USP7: variants seen among roughly 807,000 people sequenced by gnomAD.
The protein encoded by USP7 is ubiquitin specific peptidase 7, also known as ubiquitin C-terminal hydrolase 7.
Under a neutral mutation model 162.9 loss-of-function variants are expected in USP7, and 9 were observed. The observed-to-expected ratio is 0.06, with a 90% CI of 0.03 to 0.10. The LOEUF is 0.10. USP7 is among the 10% of genes least tolerant of loss of function. The pLI, the probability that USP7 is intolerant of heterozygous loss-of-function variation, is 1.00. For missense variants in USP7, 715 were observed against 1,373.7 expected (o/e 0.52, Z 7.58); for synonymous variants, 562 against 475.9 (o/e 1.18, Z -2.35).
rs1213446729 is a variant in USP7 at position 8,897,073 on chromosome 16, A to G, written c.2745T>C (p.His915=). Residue 915 remains histidine, a synonymous_variant, in exon 26 of 31, where the codon CAT becomes CAC. Coordinates refer to ENST00000344836, the MANE Select transcript of USP7 (RefSeq NM_003470.3). The part of the protein sequence containing the change: ...EEEITLYPDK[H]GCVRDLLEEC... Reference sequence around the variant, plus strand: ...CTTCTAACAGGTCCCGGACACACCCATGCTTGTCTGGATATAGTGTTATTT... The same window carrying G: ...CTTCTAACAGGTCCCGGACACACCCGTGCTTGTCTGGATATAGTGTTATTT... 6.2e-7 allele frequency: 1 copy of G among 1,613,860 alleles called. No homozygotes were observed. Among genetic ancestry groups the G allele is most frequent in the Non-Finnish European group, 8.5e-7 (1 of 1,179,732 alleles).
intron 1 of USP7, among the ~76,000 whole-genome samples, chr16:8,947,114 G>C (rs145324064): frequency 2.6e-5 from 4 of 152,188 alleles, no homozygotes; most frequent in African/African-American, 9.6e-5. Context: ...ATCTCTGTAA[G>C]ATTGGTTTTT....
chr16:8,894,519 C>T, intron 30 of USP7, 31 bp downstream of exon 30: 1 of 1,517,754 alleles, frequency 6.6e-7, no homozygotes, highest in Non-Finnish European at 8.8e-7. Flanking sequence ...CTGAAACCCA[C>T]ACCAGCCCCC....
intron 1 of USP7, among the ~76,000 whole-genome samples, chr16:8,943,320 T>TA (rs1332880981): frequency 2.6e-5 from 4 of 151,256 alleles, no homozygotes; most frequent in Admixed American, 6.6e-5. Context: ...AGCTTATAAT[T>TA]ACGCCTGTAC....
intron 26 of USP7, 126 bp downstream of exon 26, chr16:8,896,873 C>A: frequency 2.6e-6 from 2 of 755,228 alleles, no homozygotes; most frequent in Non-Finnish European, 4.8e-6. Flanking sequence ...GGAGGCACAC[C>A]CCACTGAGTC....
intron 10 of USP7, among the ~76,000 whole-genome samples, chr16:8,913,555 A>C (rs1042173066): frequency 6.6e-6 from 1 of 152,052 alleles, no homozygotes; most frequent in African/African-American, 2.4e-5. Flanking sequence ...CTAGAAGTCT[A>C]CACCGAGTTA....
chr16:8,942,714 G>A (rs747105981), intron 1 of USP7, among the ~76,000 whole-genome samples: 1 of 152,062 alleles, frequency 6.6e-6, no homozygotes, highest in African/African-American at 2.4e-5. Context: ...CACTCAGCTA[G>A]TTTCTGTATT....
rs1020048870 is a variant in USP7, at chr16:8,919,248, A to G, written c.612-109T>C. ...CAGCCTTAAGGAAACCGAGGCCAGG[A>G]ACACTTATCACACAGCATCCTTCAA... On this transcript the variant is annotated intron_variant, in intron 5 of 30. Transcript: ENST00000344836. 3 of 1,016,380 alleles carry G rather than the reference A, an allele frequency of 3.0e-6. No individual in the cohort carries two copies. In the Admixed American group the frequency reaches 5.5e-5, roughly 19 times the overall value. The allele number at this position is 1,016,380 out of a possible 1,614,324, so 63.0% of individuals were successfully genotyped here.
chr16:8,907,780 C>T (rs1172556062), intron 12 of USP7, among the ~76,000 whole-genome samples: 1 of 152,182 alleles, frequency 6.6e-6, no homozygotes, highest in East Asian at 1.9e-4. Context: ...TGCCACTGCA[C>T]TCCAGCCTGG....
intron 1 of USP7, chr16:8,962,736 AAGAGCGCT>A (rs1376126297): frequency 6.1e-5 from 10 of 164,918 alleles, no homozygotes; most frequent in Non-Finnish European, 1.3e-4. Context: ...AGTGATTTGG[AAGAGCGCT>A]TCCGAGCCAC....
In USP7 at chr16:8,898,445, GA is replaced by G. The variant is rs561221459; in HGVS notation, c.2641-9del. ...TGTGATTTTCATCTTAAGCTATTAA[GA>G]AAAGAAAGATTCACATCAGATACCG... On this transcript the variant is annotated splice_polypyrimidine_tract_variant and intron_variant, in intron 24 of 30. Coordinates refer to ENST00000344836, the MANE Select transcript of USP7 (RefSeq NM_003470.3). 23 of 1,611,764 alleles carry G rather than the reference GA, an allele frequency of 1.4e-5. No homozygotes were observed. The highest frequency in any genetic ancestry group is 1.9e-5 in the Non-Finnish European group (22 of 1,179,256).
chr16:8,897,035 G>A lies in USP7; in HGVS notation c.2783C>T (p.Ala928Val). The A allele has an allele frequency of 6.2e-7, 1 of 1,614,074 alleles. No individual in the cohort carries two copies. Among genetic ancestry groups the A allele is most frequent in the South Asian group, 1.1e-5 (1 of 91,080 alleles). ...TGATGCTTTCTCCCCAAGCTCCACG[G>A]CCTTTTTACATTCTTCTAACAGGTC... ...VRDLLEECKKAVELGEKASGK... is the reference protein window; with the variant it reads ...VRDLLEECKKVVELGEKASGK... Residue 928 changes from alanine to valine, a missense_variant, in exon 26 of 31, where the codon GCC becomes GTC. Ala to Val is a moderately conservative substitution (Grantham distance 64). Coordinates refer to ENST00000344836, the MANE Select transcript of USP7 (RefSeq NM_003470.3).
At chr16:8,914,186 A>T (rs2141198267) in intron 10 of USP7, among the ~76,000 whole-genome samples, 1 of 152,238 alleles carries the variant, frequency 6.6e-6, no homozygotes, top group South Asian at 2.1e-4. Context: ...TTGAAAAGGT[A>T]AGAACAACCT....
At chr16:8,919,906 A>C (rs1897592205) in intron 5 of USP7, among the ~76,000 whole-genome samples, 1 of 151,624 alleles carries the variant, frequency 6.6e-6, no homozygotes, top group Admixed American at 6.6e-5. Flanking sequence ...ACTCAAATAC[A>C]CCTAACGGCC....
chr16:8,894,381 C>T (rs1677472), intron 30 of USP7, among the ~76,000 whole-genome samples, 169 bp downstream of exon 30: 150,510 of 152,262 alleles, frequency 0.99, 74,411 homozygotes, highest in East Asian at 1. Context: ...GATGTAAGGA[C>T]CTGTTAAGAA....
At chr16:8,896,583 C>G (rs533943814) in intron 26 of USP7, among the ~76,000 whole-genome samples, 2 of 152,254 alleles carry the variant, frequency 1.3e-5, no homozygotes, top group South Asian at 4.1e-4. Flanking sequence ...AGAAGTGACT[C>G]AATCTGTCAA....
At chr16:8,956,932 G>A (rs1055888856) in intron 1 of USP7, among the ~76,000 whole-genome samples, 1 of 152,024 alleles carries the variant, frequency 6.6e-6, no homozygotes, top group South Asian at 2.1e-4. Context: ...CAGACAAGTC[G>A]ACGCTATCTC....
In USP7 at chr16:8,902,152, T is replaced by C. The variant is rs1186985986; in HGVS notation, c.1977A>G (p.Thr659=). ...CGGGATCAACTGTTTCCAGGAATAT[T>C]GTCCAAGGGTTTTCATTATCACTGA... The part of the protein sequence containing the change: ...IELSDNENPW[T]IFLETVDPEL... Residue 659 remains threonine (T), a synonymous_variant, in exon 18 of 31, where the codon ACA becomes ACG. Coordinates refer to ENST00000344836, the MANE Select transcript of USP7 (RefSeq NM_003470.3). The C allele has an allele frequency of 1.2e-6, 2 of 1,614,228 alleles. No homozygotes were observed. Among genetic ancestry groups the C allele is most frequent in the Non-Finnish European group, 1.7e-6 (2 of 1,180,038 alleles).
chr16:8,897,726 A>AAAAATATATAT lies in USP7; in HGVS notation c.2719-628_2719-627insATATATATTTT, dbSNP rs1555461671. Among the ~76,000 whole-genome samples, 56 of 7,128 alleles carry AAAAATATATAT rather than the reference A, an allele frequency of 7.9e-3. 2 individuals are homozygous for AAAAATATATAT. Among genetic ancestry groups the AAAAATATATAT allele is most frequent in the South Asian group, 0.015 (2 of 132 alleles). 4.7% of individuals were successfully genotyped at this position (7,128 alleles called of 152,430 possible). ...AAAAAAAAAAAAAAAAAAAAAAAAAAATATATATATATATATATATAAATG... is the reference window on the plus strand; with the variant it reads ...AAAAAAAAAAAAAAAAAAAAAAAAAAAAAATATATATATATATATATATATATATATAAATG... On this transcript the variant is annotated intron_variant, in intron 25 of 30. Coordinates refer to ENST00000344836, the MANE Select transcript of USP7 (RefSeq NM_003470.3).
chr16:8,948,727 C>G (rs576158874), intron 1 of USP7, among the ~76,000 whole-genome samples: 2 of 152,242 alleles, frequency 1.3e-5, no homozygotes, highest in East Asian at 3.9e-4. Flanking sequence ...CAGCCAAAAA[C>G]AAGCATGGAC....
Sources: allele counts gnomAD v4.1 joint callset (sites outside exome capture counted in the v4.1 genomes callset), GRCh38; gene constraint gnomAD v4.1.1; transcripts MANE v1.5; gene names NCBI Gene and HGNC (gene_info 2026-07-23, HGNC 2026-07-21).